Variants in DMD observed in about 807,000 individuals in gnomAD.
DMD encodes mutant dystrophin.
A neutral mutation model predicts 330.1 loss-of-function variants in DMD; 63 were observed. The ratio of observed to expected loss-of-function variants is 0.19; its 90% CI spans 0.16 to 0.24. The LOEUF is 0.24. Ranked by LOEUF, DMD falls within the 10% of genes least tolerant of loss-of-function variation. The pLI, the probability that DMD is intolerant of heterozygous loss-of-function variation, is 1.00. For missense variants in DMD, 3,344 were observed against 2,684.1 expected (o/e 1.25, Z -5.43); for synonymous variants, 1,223 against 959.8 (o/e 1.27, Z -5.07).
At chrX:33,058,473 T>TTTAC (rs34023977) in intron 1 of DMD, among the ~76,000 whole-genome samples, 1 of 104,502 alleles carries the variant, frequency 9.6e-6, no homozygotes, top group African/African-American at 3.5e-5. Flanking sequence ...ATTATTTTAT[T>TTTAC]TTTTTTTTTT....
chrX:31,451,173 A>T (rs1348947963), intron 59 of DMD, among the ~76,000 whole-genome samples: 41 of 36,172 alleles, frequency 1.1e-3, no homozygotes, highest in South Asian at 2.1e-3. Context: ...TCCTTTTTTT[A>T]TACAGGAGAC....
chrX:31,517,854 T>C (rs1603299733), intron 55 of DMD, among the ~76,000 whole-genome samples: 1 of 109,921 alleles, frequency 9.1e-6, no homozygotes, highest in East Asian at 2.8e-4. Flanking sequence ...ATTTTAAAGA[T>C]AGAAATGTTA....
intron 52 of DMD, among the ~76,000 whole-genome samples, chrX:31,694,649 T>TAC (rs1556821033): frequency 9.9e-4 from 75 of 75,637 alleles, no homozygotes; most frequent in East Asian, 8.4e-3. Flanking sequence ...TATATATATA[T>TAC]ACACACACAT....
At chrX:31,368,472 A>G (rs2059377116) in intron 60 of DMD, among the ~76,000 whole-genome samples, 1 of 111,817 alleles carries the variant, frequency 8.9e-6, no homozygotes, top group African/African-American at 3.3e-5. Context: ...TGGGAGCAGG[A>G]GCAGGTATAC....
intron 59 of DMD, among the ~76,000 whole-genome samples, chrX:31,464,582 C>A (rs1474833063): frequency 8.9e-6 from 1 of 112,283 alleles, no homozygotes; most frequent in Non-Finnish European, 1.9e-5. Flanking sequence ...TTCCTCCCAC[C>A]CACTGTTTTA....
intron 44 of DMD, among the ~76,000 whole-genome samples, chrX:31,996,559 T>C (rs1313909104): frequency 1.8e-5 from 2 of 111,809 alleles, no homozygotes; most frequent in African/African-American, 6.5e-5. Context: ...TAGTACTTTA[T>C]CTAGTTGAAT....
intron 1 of DMD, among the ~76,000 whole-genome samples, chrX:33,319,703 G>A (rs1359119507): frequency 8.9e-6 from 1 of 111,855 alleles, no homozygotes; most frequent in Non-Finnish European, 1.9e-5. Flanking sequence ...ATAAGAAAAT[G>A]GGACCTGACT....
At chrX:33,198,057 C>T (rs1315892902) in intron 1 of DMD, among the ~76,000 whole-genome samples, 1 of 111,300 alleles carries the variant, frequency 9.0e-6, no homozygotes, top group Non-Finnish European at 1.9e-5. Context: ...AGACCCAGTT[C>T]CTTTGCATCC....
intron 53 of DMD, among the ~76,000 whole-genome samples, chrX:31,667,113 C>T (rs756400671): frequency 9.0e-6 from 1 of 111,100 alleles, no homozygotes; most frequent in East Asian, 2.8e-4. Context: ...ATTAACAGTC[C>T]CTTTCTATTG....
intron 15 of DMD, among the ~76,000 whole-genome samples, chrX:32,567,764 A>G (rs1432543065): frequency 1.8e-5 from 2 of 112,300 alleles, no homozygotes; most frequent in African/African-American, 6.5e-5. Flanking sequence ...ATTTAAGTGA[A>G]TATTTGCATT....
At chrX:31,270,455 T>C (rs1483673748) in intron 62 of DMD, among the ~76,000 whole-genome samples, 1 of 111,855 alleles carries the variant, frequency 8.9e-6, no homozygotes, top group Non-Finnish European at 1.9e-5. Flanking sequence ...AAGCCTCCTC[T>C]GTAGGCCCAC....
chrX:31,501,134 A>C lies in DMD; in HGVS notation c.8391-4190T>G, dbSNP rs184129230. Among the ~76,000 whole-genome samples, 25 of 112,287 alleles carry C rather than the reference A, an allele frequency of 2.2e-4. 1 individual carries two copies. The East Asian group carries it at 6.8e-3, about 30-fold the overall frequency. ...TCATGTCCATATAAGGCAAATGCCTATTTACACTATGCCCAAGTAAGGCAA... is the reference window on the plus strand; with the variant it reads ...TCATGTCCATATAAGGCAAATGCCTCTTTACACTATGCCCAAGTAAGGCAA... On this transcript the variant is annotated intron_variant, in intron 56 of 78. Coordinates refer to ENST00000357033, the MANE Select transcript of DMD (RefSeq NM_004006.3).
At chrX:31,391,942 T>G (rs2060702277) in intron 60 of DMD, among the ~76,000 whole-genome samples, 1 of 111,619 alleles carries the variant, frequency 9.0e-6, no homozygotes, top group South Asian at 3.8e-4. Flanking sequence ...AAAAGGTTTA[T>G]AAATAGAGTG....
intron 12 of DMD, among the ~76,000 whole-genome samples, chrX:32,602,413 T>A (rs2056301764): frequency 9.0e-6 from 1 of 111,720 alleles, no homozygotes; most frequent in Admixed American, 9.5e-5. Flanking sequence ...CTGAAAATAA[T>A]TATTGAAAAA....
intron 9 of DMD, among the ~76,000 whole-genome samples, chrX:32,677,576 T>G (rs1602868432): frequency 1.8e-5 from 2 of 111,728 alleles, no homozygotes; most frequent in South Asian, 7.4e-4. Flanking sequence ...AATGCTCCCT[T>G]AAAATTAATA....
At chrX:31,454,988 A>G (rs980899946) in intron 59 of DMD, among the ~76,000 whole-genome samples, 2 of 67,501 alleles carry the variant, frequency 3.0e-5, no homozygotes, top group African/African-American at 1.2e-4. Context: ...GGATCTCTCT[A>G]TGTTTTCCAG....
intron 45 of DMD, among the ~76,000 whole-genome samples, chrX:31,961,052 T>C (rs1329604472): frequency 2.7e-5 from 3 of 112,211 alleles, no homozygotes; most frequent in Admixed American, 1.9e-4. Context: ...AAGGTATTAG[T>C]TGAGATACAG....
intron 2 of DMD, among the ~76,000 whole-genome samples, chrX:32,991,443 A>G (rs2092972026): frequency 8.9e-6 from 1 of 112,160 alleles, no homozygotes; most frequent in Admixed American, 9.5e-5. Flanking sequence ...AAAATGTTCT[A>G]TACATGCACT....
intron 2 of DMD, among the ~76,000 whole-genome samples, chrX:32,866,716 C>CTTTTT (rs753731804): frequency 1.3e-3 from 49 of 37,421 alleles, no homozygotes; most frequent in African/African-American, 6.1e-3. Flanking sequence ...CATACACACA[C>CTTTTT]TTTTTTTTGG....
Sources: gnomAD v4.1 joint callset for allele counts (sites outside exome capture counted in the v4.1 genomes callset) on GRCh38, gnomAD v4.1.1 for gene constraint, MANE v1.5 for transcripts, NCBI Gene and HGNC (gene_info 2026-07-23, HGNC 2026-07-21) for gene names.